ADCY8: variants seen among roughly 807,000 people sequenced by gnomAD.
The protein encoded by ADCY8 is adenylate cyclase 8, also known as adenylate cyclase type 8.
ADCY8 carries 51 observed loss-of-function variants against 119.7 expected under a neutral mutation model. The observed-to-expected ratio is 0.43, with a 90% CI of 0.34 to 0.54. ADCY8 has a LOEUF of 0.54. Ranked by LOEUF, ADCY8 falls within the 20% of genes least tolerant of loss-of-function variation. The pLI is 0.03. For synonymous variants in ADCY8, 665 were observed against 651.0 expected (o/e 1.02, Z -0.33); for missense variants, 1,383 against 1,598.8 (o/e 0.87, Z 2.30).
intron 14 of ADCY8, 129 bp downstream of exon 14, chr8:130,813,940 A>T: frequency 8.6e-7 from 1 of 1,156,650 alleles, no homozygotes; most frequent in Non-Finnish European, 1.2e-6. Flanking sequence ...TCATAGTGTT[A>T]GGAGTTTCTC....
intron 9 of ADCY8, among the ~76,000 whole-genome samples, chr8:130,864,769 A>G (rs1175181170): frequency 6.6e-6 from 1 of 152,080 alleles, no homozygotes; most frequent in South Asian, 2.1e-4. Context: ...TTTCTTGCAC[A>G]TTGCCTACTT....
chr8:131,029,592 C>T (rs779324457), intron 1 of ADCY8, among the ~76,000 whole-genome samples: 9 of 152,098 alleles, frequency 5.9e-5, no homozygotes, highest in African/African-American at 1.4e-4. Context: ...GTTTGATAAT[C>T]GACAAATACC....
chr8:130,896,931 T>C (rs73346442), intron 7 of ADCY8, among the ~76,000 whole-genome samples: 4,179 of 152,148 alleles, frequency 0.027, 207 homozygotes, highest in African/African-American at 0.093. Context: ...GGAAACTGAA[T>C]AGGGCAATGT....
chr8:130,932,815 C>T (rs950115693), intron 5 of ADCY8, among the ~76,000 whole-genome samples: 15 of 151,868 alleles, frequency 9.9e-5, no homozygotes, highest in African/African-American at 2.9e-4. Context: ...CCTGGCCTTT[C>T]GTGATATTGG....
intron 4 of ADCY8, among the ~76,000 whole-genome samples, chr8:130,939,761 A>T (rs1820902175): frequency 6.6e-6 from 1 of 152,192 alleles, no homozygotes; most frequent in African/African-American, 2.4e-5. Flanking sequence ...TTACTTAACA[A>T]TGACAATGAC....
At chr8:130,897,008 C>T (rs1024655590) in intron 7 of ADCY8, among the ~76,000 whole-genome samples, 1 of 152,052 alleles carries the variant, frequency 6.6e-6, no homozygotes, top group Admixed American at 6.6e-5. Context: ...GGACACCGAG[C>T]CTTGGAGGGG....
In ADCY8 at chr8:130,884,630, A is replaced by G; in HGVS notation, c.2043T>C (p.Asp681=). ...IEHTIDLRSG[D]KLRREHIKPF... ...GCTTGATATGCTCTCTTCTCAATTT[A>G]TCGCCACTCCGCAAGTCGATGGTAT... The change falls in exon 8 of 18, where the codon GAT becomes GAC. Residue 681 remains aspartate (D), a synonymous_variant. Coordinates refer to ENST00000286355, the MANE Select transcript of ADCY8 (RefSeq NM_001115.3). 6.2e-7 allele frequency: 1 copy of G among 1,613,836 alleles called. No homozygotes were observed. The highest frequency in any genetic ancestry group is 8.5e-7 in the Non-Finnish European group (1 of 1,179,848).
chr8:130,991,299 G>C, intron 1 of ADCY8, among the ~76,000 whole-genome samples: 1 of 152,196 alleles, frequency 6.6e-6, no homozygotes, highest in South Asian at 2.1e-4. Context: ...CTCATGCAGT[G>C]TGTGGTAGCT....
chr8:130,866,026 A>C (rs930596529), intron 9 of ADCY8, among the ~76,000 whole-genome samples: 1 of 152,156 alleles, frequency 6.6e-6, no homozygotes, highest in Non-Finnish European at 1.5e-5. Flanking sequence ...TGACATGCCC[A>C]GTACTTCTTT....
intron 3 of ADCY8, among the ~76,000 whole-genome samples, chr8:130,946,592 C>T (rs944267346): frequency 1.3e-5 from 2 of 152,186 alleles, no homozygotes; most frequent in African/African-American, 4.8e-5. Context: ...TCTGTCATAA[C>T]ACTTAACTCT....
intron 2 of ADCY8, among the ~76,000 whole-genome samples, chr8:130,957,903 A>G (rs959240412): frequency 1.1e-4 from 17 of 152,356 alleles, no homozygotes; most frequent in African/African-American, 3.8e-4. Flanking sequence ...AAATACCTGG[A>G]TGCTCAGACA....
At chr8:130,892,815 G>A (rs1178161335) in intron 7 of ADCY8, 1 of 152,150 alleles carries the variant, frequency 6.6e-6, no homozygotes, top group Non-Finnish European at 1.5e-5. Context: ...AGGATAAGAA[G>A]ACTGAGACCT....
Position 130,905,125 on chromosome 8 carries a change from G to A in ADCY8, c.1641-1083C>T, listed in dbSNP as rs568291687. 1.3e-3 allele frequency among the ~76,000 whole-genome samples: 192 copies of A among 152,268 alleles called. 1 individual carries two copies. The highest frequency in any genetic ancestry group is 3.4e-3 in the Middle Eastern group (1 of 294). On this transcript the variant is annotated intron_variant, in intron 6 of 17. Coordinates refer to ENST00000286355, the MANE Select transcript of ADCY8 (RefSeq NM_001115.3). ...TTATTCTACGAGTTGATTTGTGTAA[G>A]GTAGTCAAAACAGTGCATGGTACAA...
intron 15 of ADCY8, among the ~76,000 whole-genome samples, chr8:130,793,529 A>T (rs151275091): frequency 5.8e-4 from 88 of 152,304 alleles, no homozygotes; most frequent in African/African-American, 2.1e-3. Flanking sequence ...TATAAGCTTC[A>T]TGAGAACAGG....
At chr8:130,887,260 G>T (rs553403189) in intron 7 of ADCY8, among the ~76,000 whole-genome samples, 7 of 152,232 alleles carry the variant, frequency 4.6e-5, no homozygotes, top group African/African-American at 1.7e-4. Context: ...ACAGACCAAT[G>T]AAATCTCCTC....
At chr8:130,890,096 A>G (rs949110439) in intron 7 of ADCY8, among the ~76,000 whole-genome samples, 1 of 151,742 alleles carries the variant, frequency 6.6e-6, no homozygotes, top group African/African-American at 2.4e-5. Flanking sequence ...TGTATATGAA[A>G]GGAAGGAATG....
intron 1 of ADCY8, among the ~76,000 whole-genome samples, chr8:131,035,710 C>A (rs1824132772): frequency 6.6e-6 from 1 of 152,144 alleles, no homozygotes. Context: ...TTGTTCCTTT[C>A]AAAAATGACA....
chr8:131,032,384 TA>T (rs1049466995), intron 1 of ADCY8, among the ~76,000 whole-genome samples: 22 of 152,148 alleles, frequency 1.4e-4, no homozygotes, highest in African/African-American at 5.1e-4. Context: ...TTTCATATAT[TA>T]AAATATATGA....
intron 13 of ADCY8, among the ~76,000 whole-genome samples, chr8:130,816,542 C>T (rs948203885): frequency 1.3e-5 from 2 of 151,442 alleles, no homozygotes; most frequent in African/African-American, 4.9e-5. Flanking sequence ...TCTCCTGCCT[C>T]AGCCCCCCGA....
Sources: allele counts gnomAD v4.1 joint callset (sites outside exome capture counted in the v4.1 genomes callset), GRCh38; gene constraint gnomAD v4.1.1; transcripts MANE v1.5; gene names NCBI Gene and HGNC (gene_info 2026-07-23, HGNC 2026-07-21).